Variants in KHDRBS2 observed in about 807,000 individuals in gnomAD.
The protein encoded by KHDRBS2 is KH domain-containing, RNA-binding, signal transduction-associated protein 2.
In KHDRBS2, 26 loss-of-function variants were observed where a neutral mutation model predicts 44.3. The ratio of observed to expected loss-of-function variants is 0.59; its 90% CI spans 0.43 to 0.81. KHDRBS2 has a LOEUF of 0.81. Among genes scored for constraint, KHDRBS2 ranks in the 40% least tolerant of loss-of-function variants. KHDRBS2 has a pLI of 0.00. For synonymous variants in KHDRBS2, 194 were observed against 151.1 expected (o/e 1.28, Z -2.08); for missense variants, 476 against 433.1 (o/e 1.10, Z -0.88).
At chr6:61,550,766 CT>C in the KHDRBS2 span, among the ~76,000 whole-genome samples, 267 of 117,026 alleles carry the variant, frequency 2.3e-3, no homozygotes, top group Middle Eastern at 5.3e-3. Context: ...GAGATGGTAT[CT>C]TTTTTTTTTT....
chr6:61,854,774 T>C (rs561255280), intron 6 of KHDRBS2, among the ~76,000 whole-genome samples: 1 of 152,314 alleles, frequency 6.6e-6, no homozygotes, highest in East Asian at 1.9e-4. Flanking sequence ...ACAAAATTTG[T>C]CTTGATAATG....
intron 2 of KHDRBS2, among the ~76,000 whole-genome samples, chr6:62,073,118 CT>C (rs1431282539): frequency 6.6e-6 from 1 of 151,742 alleles, no homozygotes; most frequent in African/African-American, 2.4e-5. Context: ...CACTTCTAAT[CT>C]TTGAAAAGAT....
At chr6:61,852,503 G>T (rs976284329) in intron 6 of KHDRBS2, among the ~76,000 whole-genome samples, 2 of 151,044 alleles carry the variant, frequency 1.3e-5, no homozygotes, top group African/African-American at 4.9e-5. Context: ...GGCAGAGGCT[G>T]CAGTGAGACG....
intron 1 of KHDRBS2, among the ~76,000 whole-genome samples, chr6:62,200,306 G>A (rs927522353): frequency 6.6e-6 from 1 of 152,124 alleles, no homozygotes; most frequent in African/African-American, 2.4e-5. Flanking sequence ...GCAACTGACA[G>A]AATGGGAGAA....
intron 1 of KHDRBS2, among the ~76,000 whole-genome samples, chr6:62,244,110 A>C (rs1010473937): frequency 6.6e-6 from 1 of 152,172 alleles, no homozygotes; most frequent in Non-Finnish European, 1.5e-5. Context: ...GCTACTTTAA[A>C]AAAGATTCCT....
intron 2 of KHDRBS2, among the ~76,000 whole-genome samples, chr6:62,116,983 C>A (rs1806402036): frequency 6.6e-6 from 1 of 152,122 alleles, no homozygotes; most frequent in East Asian, 1.9e-4. Context: ...GTTTCTTTAT[C>A]CATTCATCTA....
chr6:61,808,610 A>G (rs1319768005), intron 6 of KHDRBS2, among the ~76,000 whole-genome samples: 2 of 152,242 alleles, frequency 1.3e-5, no homozygotes, highest in Non-Finnish European at 2.9e-5. Flanking sequence ...GTGTGTGCTC[A>G]TTAAGGATAA....
chr6:61,861,568 T>A (rs1796970711), intron 6 of KHDRBS2, among the ~76,000 whole-genome samples: 1 of 150,976 alleles, frequency 6.6e-6, no homozygotes, highest in Admixed American at 6.6e-5. Flanking sequence ...GTTCCATTGG[T>A]CTATGTGTCT....
chr6:61,916,717 G>T (rs954284068), intron 4 of KHDRBS2, among the ~76,000 whole-genome samples: 1 of 151,846 alleles, frequency 6.6e-6, no homozygotes, highest in African/African-American at 2.4e-5. Flanking sequence ...AAAGTGAGCA[G>T]ATCTCAACAT....
chr6:61,554,572 T>G, the KHDRBS2 span, among the ~76,000 whole-genome samples: 1 of 152,212 alleles, frequency 6.6e-6, no homozygotes, highest in Non-Finnish European at 1.5e-5. Context: ...TGGGTTATTA[T>G]GCAGATATTT....
chr6:62,164,429 T>G (rs1212871517), intron 2 of KHDRBS2, among the ~76,000 whole-genome samples: 2 of 151,916 alleles, frequency 1.3e-5, no homozygotes, highest in Non-Finnish European at 2.9e-5. Context: ...CATTAATTGC[T>G]TTACATTAGC....
At chr6:61,895,658 G>A (rs1436837448) in intron 5 of KHDRBS2, among the ~76,000 whole-genome samples, 1 of 152,100 alleles carries the variant, frequency 6.6e-6, no homozygotes, top group Non-Finnish European at 1.5e-5. Flanking sequence ...CCTTTAGAAT[G>A]GTTGAGTGTT....
chr6:61,690,919 C>A (rs1396029264), intron 8 of KHDRBS2, among the ~76,000 whole-genome samples: 2 of 152,102 alleles, frequency 1.3e-5, no homozygotes, highest in African/African-American at 4.8e-5. Context: ...CAATTAAGAT[C>A]ATAGGATCCT....
chr6:61,616,587 T>C, the KHDRBS2 span, among the ~76,000 whole-genome samples: 1 of 151,890 alleles, frequency 6.6e-6, no homozygotes, highest in African/African-American at 2.4e-5. Flanking sequence ...TTTGATTGAT[T>C]GATTAGGGTA....
chr6:61,547,755 A>G, the KHDRBS2 span, among the ~76,000 whole-genome samples: 1 of 152,186 alleles, frequency 6.6e-6, no homozygotes, highest in Non-Finnish European at 1.5e-5. Flanking sequence ...TCTGAAGTGC[A>G]GTCAGGGTGA....
At chr6:62,081,670 C>G (rs374836881) in intron 2 of KHDRBS2, among the ~76,000 whole-genome samples, 1 of 151,950 alleles carries the variant, frequency 6.6e-6, no homozygotes, top group Non-Finnish European at 1.5e-5. Context: ...TTATTCAAAC[C>G]AGAACATATC....
At chr6:62,126,195 C>T (rs964670933) in intron 2 of KHDRBS2, among the ~76,000 whole-genome samples, 1 of 152,080 alleles carries the variant, frequency 6.6e-6, no homozygotes, top group African/African-American at 2.4e-5. Context: ...TGAACATTAG[C>T]GTAGCTTGGC....
intron 2 of KHDRBS2, among the ~76,000 whole-genome samples, chr6:62,166,198 C>T (rs1818651798): frequency 6.6e-6 from 1 of 151,890 alleles, no homozygotes; most frequent in Non-Finnish European, 1.5e-5. Context: ...TATGTGTATA[C>T]CACATTTTAT....
intron 1 of KHDRBS2, among the ~76,000 whole-genome samples, chr6:62,195,335 T>C (rs1312766708): frequency 6.6e-6 from 1 of 152,212 alleles, no homozygotes; most frequent in East Asian, 1.9e-4. Context: ...AAGGATTTTC[T>C]ACATCAATTA....
Sources: gnomAD v4.1 joint callset for allele counts (sites outside exome capture counted in the v4.1 genomes callset) on GRCh38, gnomAD v4.1.1 for gene constraint, MANE v1.5 for transcripts, NCBI Gene and HGNC (gene_info 2026-07-23, HGNC 2026-07-21) for gene names.